ABR: variants seen among roughly 807,000 people sequenced by gnomAD.
ABR encodes ABR activator of RhoGEF and GTPase, also known as active breakpoint cluster region-related protein.
ABR carries 35 observed loss-of-function variants against 107.2 expected under a neutral mutation model. The observed-to-expected ratio is 0.33, with a 90% CI of 0.25 to 0.43. ABR has a LOEUF of 0.43. Ranked by LOEUF, ABR falls within the 20% of genes least tolerant of loss-of-function variation. The pLI, the probability that ABR is intolerant of heterozygous loss-of-function variation, is 1.00. For missense variants in ABR, 815 were observed against 1,115.2 expected (o/e 0.73, Z 3.83); for synonymous variants, 498 against 462.0 (o/e 1.08, Z -1.00).
intron 16 of ABR, 94 bp from the exon 17 acceptor site, chr17:1,013,258 A>C: frequency 8.1e-7 from 1 of 1,230,516 alleles, no homozygotes; most frequent in Non-Finnish European, 1.2e-6. Flanking sequence ...CCAGCTACAC[A>C]GTCAGGAAGG....
At chr17:1,062,101 G>C (rs1332317646) in intron 10 of ABR, among the ~76,000 whole-genome samples, 1 of 152,204 alleles carries the variant, frequency 6.6e-6, no homozygotes, top group Non-Finnish European at 1.5e-5. Flanking sequence ...AACCTGAGAG[G>C]TGAGGAAAAC....
intron 1 of ABR, among the ~76,000 whole-genome samples, chr17:1,202,531 G>A (rs1319410702): frequency 6.6e-6 from 1 of 152,172 alleles, no homozygotes; most frequent in Non-Finnish European, 1.5e-5. Context: ...GTTGCATTCA[G>A]AGTATTTCCC....
chr17:1,074,953 A>T (rs1258668337), intron 6 of ABR, among the ~76,000 whole-genome samples: 1 of 152,234 alleles, frequency 6.6e-6, no homozygotes, highest in Admixed American at 6.5e-5. Context: ...TCTCAAAAAA[A>T]AAGAAAAAAG....
At chr17:1,225,841 G>C (rs2043203821) in intron 1 of ABR, among the ~76,000 whole-genome samples, 1 of 152,156 alleles carries the variant, frequency 6.6e-6, no homozygotes, top group Non-Finnish European at 1.5e-5. Context: ...CAGATGAGGG[G>C]ACTCAGGCTC....
chr17:1,101,949 G>T (rs958128235), intron 2 of ABR, among the ~76,000 whole-genome samples: 4 of 151,962 alleles, frequency 2.6e-5, no homozygotes, highest in Non-Finnish European at 5.9e-5. Flanking sequence ...TAGCCAGGAT[G>T]GTCTCGATCT....
intron 4 of ABR, among the ~76,000 whole-genome samples, chr17:1,090,860 G>A (rs1358881462): frequency 6.6e-6 from 1 of 152,218 alleles, no homozygotes; most frequent in African/African-American, 2.4e-5. Context: ...CTTGCCTGCT[G>A]GGCGGTCAGA....
At chr17:1,170,813 C>T (rs536176261) in intron 1 of ABR, among the ~76,000 whole-genome samples, 3 of 152,234 alleles carry the variant, frequency 2.0e-5, no homozygotes, top group South Asian at 2.1e-4. Flanking sequence ...TTTCTTTTCA[C>T]GGGACCCCAG....
chr17:1,016,867 C>A (rs1319360783), intron 16 of ABR, among the ~76,000 whole-genome samples: 1 of 152,126 alleles, frequency 6.6e-6, no homozygotes, highest in African/African-American at 2.4e-5. Flanking sequence ...GTGCGTGCCA[C>A]GGTTTGAACG....
upstream of ABR, among the ~76,000 whole-genome samples, chr17:1,190,843 G>T (rs531839544): frequency 6.6e-6 from 1 of 152,230 alleles, no homozygotes; most frequent in African/African-American, 2.4e-5. Flanking sequence ...TGAGTCACCA[G>T]CTCCCAGGAA....
At position 1,165,996 on chromosome 17, in the gene ABR, C is replaced by T. The variant is rs2041489198; in HGVS notation, c.61+13671G>A. Among the ~76,000 whole-genome samples, 7 of 151,748 alleles carry T rather than the reference C, an allele frequency of 4.6e-5. No individual in the cohort carries two copies. The South Asian group carries it at 1.5e-3, about 32-fold the overall frequency. On this transcript the variant is annotated intron_variant, in intron 1 of 22. Coordinates refer to ENST00000302538, the MANE Select transcript of ABR (RefSeq NM_021962.5). ...CTCCCACCCCCCGGAGTGTCCGCACCCACCCTCCCCAGCGCGGTCCCCACC... is the reference window on the plus strand; with the variant it reads ...CTCCCACCCCCCGGAGTGTCCGCACTCACCCTCCCCAGCGCGGTCCCCACC...
At chr17:1,167,074 G>C (rs530713480) in intron 1 of ABR, among the ~76,000 whole-genome samples, 1 of 152,170 alleles carries the variant, frequency 6.6e-6, no homozygotes, top group South Asian at 2.1e-4. Context: ...AAATGTGCAT[G>C]TCCATCATGG....
intron 1 of ABR, among the ~76,000 whole-genome samples, chr17:1,209,719 C>T (rs909523017): frequency 3.9e-5 from 6 of 152,204 alleles, no homozygotes. Flanking sequence ...TCTCTCTTAA[C>T]TTTCTAATAC....
chr17:1,018,435 C>T (rs1472255900), intron 16 of ABR, among the ~76,000 whole-genome samples: 1 of 152,198 alleles, frequency 6.6e-6, no homozygotes, highest in Non-Finnish European at 1.5e-5. Context: ...AGGCAGGTCT[C>T]TCCACACATC....
chr17:1,226,813 G>C (rs1307510920), intron 1 of ABR, among the ~76,000 whole-genome samples: 9 of 151,888 alleles, frequency 5.9e-5, no homozygotes, highest in Non-Finnish European at 1.3e-4. Context: ...AGGTGTGTGT[G>C]TATATGTGTG....
rs60536584 is a variant in ABR, at chr17:1,144,588, CAA to C, written c.62-19223_62-19222del. 2.9e-3 allele frequency among the ~76,000 whole-genome samples: 409 copies of C among 140,862 alleles called. 2 individuals carry two copies. The highest frequency in any genetic ancestry group is 9.7e-3 in the African/African-American group (371 of 38,176). 92.4% of individuals were successfully genotyped at this position (140,862 alleles called of 152,430 possible). On this transcript the variant is annotated intron_variant, in intron 1 of 22. Transcript: ENST00000302538. ...ACAATAACGCGTTCAGTCAATCAGGCAAAAAAAAAAAAAGGGGCAGGGGCCAG... is the reference window on the plus strand; with the variant it reads ...ACAATAACGCGTTCAGTCAATCAGGCAAAAAAAAAAAGGGGCAGGGGCCAG...
intron 16 of ABR, among the ~76,000 whole-genome samples, chr17:1,021,697 G>T (rs1006945856): frequency 6.6e-6 from 1 of 152,032 alleles, no homozygotes; most frequent in African/African-American, 2.4e-5. Context: ...CCAGCTACTG[G>T]GGAGGCTGAG....
At chr17:1,224,965 C>T (rs561734743) in intron 1 of ABR, among the ~76,000 whole-genome samples, 1 of 151,814 alleles carries the variant, frequency 6.6e-6, no homozygotes, top group East Asian at 2.0e-4. Flanking sequence ...CTGGCTAACA[C>T]GGTGAAACCC....
intron 9 of ABR, among the ~76,000 whole-genome samples, chr17:1,068,183 T>G (rs954960109): frequency 6.6e-6 from 1 of 152,262 alleles, no homozygotes; most frequent in African/African-American, 2.4e-5. Context: ...TCCACCCGCC[T>G]TGGCCTCCCA....
Position 1,221,491 on chromosome 17 carries a change from G to A in ABR, c.838+7302C>T, listed in dbSNP as rs566003581. 9.9e-5 allele frequency among the ~76,000 whole-genome samples: 15 copies of A among 152,276 alleles called. No individual in the cohort carries two copies. The South Asian group carries it at 1.0e-3, about 11-fold the overall frequency. On this transcript the variant is annotated intron_variant, in intron 1 of 22. Coordinates refer to the ABR transcript ENST00000574139. ...ATGATCATGGAGTCACCATACTCTCGGCCGGACTGCTGGCCGCTGGAATTC... is the reference window on the plus strand; with the variant it reads ...ATGATCATGGAGTCACCATACTCTCAGCCGGACTGCTGGCCGCTGGAATTC...
Sources: allele counts gnomAD v4.1 joint callset (sites outside exome capture counted in the v4.1 genomes callset), GRCh38; gene constraint gnomAD v4.1.1; transcripts MANE v1.5; gene names NCBI Gene and HGNC (gene_info 2026-07-23, HGNC 2026-07-21).